The following GTF2IRD1 variants were observed in gnomAD, a reference collection of about 807,000 sequenced individuals.
GTF2IRD1 encodes the protein GTF2I repeat domain containing 1.
A neutral mutation model predicts 113.2 loss-of-function variants in GTF2IRD1; 26 were observed. The ratio of observed to expected loss-of-function variants is 0.23; its 90% CI spans 0.17 to 0.32. GTF2IRD1 has a LOEUF of 0.32. Among genes scored for constraint, GTF2IRD1 ranks in the 10% least tolerant of loss-of-function variants. The pLI, the probability that GTF2IRD1 is intolerant of heterozygous loss-of-function variation, is 1.00. For synonymous variants in GTF2IRD1, 484 were observed against 529.1 expected (o/e 0.91, Z 1.17); for missense variants, 864 against 1,280.8 (o/e 0.67, Z 4.97).
chr7:74,552,966 T>C (rs1248292571), intron 17 of GTF2IRD1, among the ~76,000 whole-genome samples: 4 of 151,970 alleles, frequency 2.6e-5, no homozygotes, highest in Non-Finnish European at 5.9e-5. Context: ...GCCTCCTGAG[T>C]AGCTGGGATA....
At chr7:74,493,139 T>C (rs1482722935) in intron 1 of GTF2IRD1, among the ~76,000 whole-genome samples, 14 of 149,134 alleles carry the variant, frequency 9.4e-5, no homozygotes, top group African/African-American at 2.7e-4. Context: ...GATAGGGGTC[T>C]CACTGTCTTG....
At chr7:74,576,626 T>C (rs1412895921) in intron 22 of GTF2IRD1, among the ~76,000 whole-genome samples, 1 of 71,442 alleles carries the variant, frequency 1.4e-5, no homozygotes, top group Non-Finnish European at 3.1e-5. Flanking sequence ...TCTTTTTTTT[T>C]TTTTTTTTTT....
chr7:74,499,968 C>G (rs1333148297), intron 1 of GTF2IRD1, among the ~76,000 whole-genome samples: 1 of 152,128 alleles, frequency 6.6e-6, no homozygotes, highest in African/African-American at 2.4e-5. Context: ...ATGTACACAT[C>G]AAGGAATTAG....
intron 24 of GTF2IRD1, among the ~76,000 whole-genome samples, chr7:74,593,406 T>A (rs1802190017): frequency 1.5e-5 from 1 of 64,740 alleles, no homozygotes; most frequent in Non-Finnish European, 2.6e-5. Flanking sequence ...TGAAACCTCA[T>A]CTCTACTAAA....
chr7:74,523,340 A>G (rs587712880), intron 7 of GTF2IRD1, among the ~76,000 whole-genome samples: 2 of 152,346 alleles, frequency 1.3e-5, no homozygotes, highest in African/African-American at 4.8e-5. Flanking sequence ...ACAGTGAGCT[A>G]TGATTGCACC....
chr7:74,552,122 C>T (rs1403896788), intron 17 of GTF2IRD1, among the ~76,000 whole-genome samples: 15 of 151,244 alleles, frequency 9.9e-5, no homozygotes, highest in Admixed American at 5.3e-4. Flanking sequence ...GTGTGGCCCA[C>T]GCCTGTAATC....
At chr7:74,589,337 T>C (rs377157722) in intron 22 of GTF2IRD1, among the ~76,000 whole-genome samples, 1 of 151,372 alleles carries the variant, frequency 6.6e-6, no homozygotes, top group East Asian at 1.9e-4. Flanking sequence ...CCAGCCTGGG[T>C]GACAGAGCAA....
chr7:74,564,532 C>G (rs1554360050), intron 22 of GTF2IRD1, among the ~76,000 whole-genome samples: 1 of 152,156 alleles, frequency 6.6e-6, no homozygotes, highest in African/African-American at 2.4e-5. Context: ...GGGAAAATCA[C>G]TTGAGCCCAG....
Position 74,517,025 on chromosome 7 carries a change from G to GTTGTTGT in GTF2IRD1, c.422-1112_422-1106dup, listed in dbSNP as rs1554344767. Among the ~76,000 whole-genome samples the GTTGTTGT allele has an allele frequency of 2.3e-3, 348 of 150,716 alleles. 2 individuals carry two copies. The highest frequency in any genetic ancestry group is 7.9e-3 in the African/African-American group (323 of 41,130). ...CTTTGTTGTTGTTGTTGTTGTTGTT[G>GTTGTTGT]TTGTTGTTGTTGTTTTGAGATGAAG... On this transcript the variant is annotated intron_variant, in intron 4 of 26. Coordinates refer to ENST00000424337, the MANE Select transcript of GTF2IRD1 (RefSeq NM_005685.4).
intron 22 of GTF2IRD1, among the ~76,000 whole-genome samples, chr7:74,570,417 C>T (rs587612792): frequency 2.0e-5 from 3 of 149,850 alleles, no homozygotes; most frequent in East Asian, 2.0e-4. Context: ...CCCAGCACTT[C>T]GGGAGGCCAA....
chr7:74,545,426 C>G (rs782635241), intron 15 of GTF2IRD1, among the ~76,000 whole-genome samples: 1 of 152,080 alleles, frequency 6.6e-6, no homozygotes, highest in Non-Finnish European at 1.5e-5. Context: ...AGTGGGTACC[C>G]ACTAGTTCTA....
chr7:74,540,442 G>GTCTT, intron 14 of GTF2IRD1, among the ~76,000 whole-genome samples: 2 of 150,922 alleles, frequency 1.3e-5, no homozygotes, highest in Admixed American at 6.6e-5. Flanking sequence ...CACCGTGCCT[G>GTCTT]GCCATAGGCT....
intron 1 of GTF2IRD1, among the ~76,000 whole-genome samples, chr7:74,470,306 C>T (rs782581580): frequency 1.3e-5 from 2 of 152,240 alleles, no homozygotes; most frequent in South Asian, 2.1e-4. Context: ...TTTTAAAATA[C>T]GCTATGCAAT....
At chr7:74,479,163 C>G (rs997671085) in intron 1 of GTF2IRD1, among the ~76,000 whole-genome samples, 2 of 152,204 alleles carry the variant, frequency 1.3e-5, no homozygotes, top group South Asian at 4.1e-4. Flanking sequence ...CATGACCCGA[C>G]AGTTCCTCCG....
At position 74,518,071 on chromosome 7, in the gene GTF2IRD1, A is replaced by G; in HGVS notation, c.422-68A>G. 5 of 1,185,058 alleles carry G rather than the reference A, an allele frequency of 4.2e-6. No individual in the cohort carries two copies. The South Asian group carries it at 9.0e-5, about 21-fold the overall frequency. 73.4% of individuals were successfully genotyped at this position (1,185,058 alleles called of 1,614,324 possible). On this transcript the variant is annotated intron_variant, in intron 4 of 26. Transcript: ENST00000424337. ...CTCAGCACTGCCCCCACTCTGGGGC[A>G]CAGCAGCCCCGACCCCAGCCTGGCT...
intron 20 of GTF2IRD1, among the ~76,000 whole-genome samples, chr7:74,558,479 C>T (rs1389355218): frequency 4.0e-5 from 6 of 150,380 alleles, no homozygotes; most frequent in Non-Finnish European, 7.4e-5. Context: ...CCTGCCTCAG[C>T]CTCCCAAGTG....
Position 74,596,514 on chromosome 7 carries a change from A to G in GTF2IRD1, c.2629+1463A>G, listed in dbSNP as rs1479487578. On this transcript the variant is annotated intron_variant, in intron 25 of 26. Coordinates refer to ENST00000424337, the MANE Select transcript of GTF2IRD1 (RefSeq NM_005685.4). ...AAAAATTAGCCTGGCATGGTGGTGC[A>G]CGCCTGCAGTCCCAGCTACTTGGGA... 3.3e-5 allele frequency among the ~76,000 whole-genome samples: 5 copies of G among 151,356 alleles called. No homozygotes were observed. In the East Asian group the frequency reaches 7.8e-4, roughly 24 times the overall value.
At chr7:74,584,047 A>G (rs1279628479) in intron 22 of GTF2IRD1, among the ~76,000 whole-genome samples, 6 of 152,142 alleles carry the variant, frequency 3.9e-5, no homozygotes, top group East Asian at 3.8e-4. Flanking sequence ...GTCTCAATCA[A>G]TTTAAAGATT....
intron 1 of GTF2IRD1, among the ~76,000 whole-genome samples, chr7:74,476,854 G>A (rs1375558040): frequency 6.6e-6 from 1 of 152,170 alleles, no homozygotes; most frequent in African/African-American, 2.4e-5. Context: ...TCACCCAGGA[G>A]CTCCAGGGCA....
Sources: allele counts gnomAD v4.1 joint callset (sites outside exome capture counted in the v4.1 genomes callset), GRCh38; gene constraint gnomAD v4.1.1; transcripts MANE v1.5; gene names NCBI Gene and HGNC (gene_info 2026-07-23, HGNC 2026-07-21).